Variants in PCYT2 observed in about 807,000 individuals in gnomAD.
The protein encoded by PCYT2 is ethanolamine-phosphate cytidylyltransferase.
Under a neutral mutation model 50.0 loss-of-function variants are expected in PCYT2, and 33 were observed. The ratio of observed to expected loss-of-function variants is 0.66; its 90% CI spans 0.50 to 0.88. PCYT2 has a LOEUF of 0.88. PCYT2 is among the 40% of genes least tolerant of loss of function. PCYT2 has a pLI of 0.00. For synonymous variants in PCYT2, 240 were observed against 203.7 expected, an observed-to-expected ratio of 1.18 and a Z score of -1.52; for missense variants, 430 against 519.7, an observed-to-expected ratio of 0.83 and a Z score of 1.68.
chr17:81,906,390 C>T, intron 8 of PCYT2, 74 bp downstream of exon 8: 2 of 1,468,138 alleles, frequency 1.4e-6, no homozygotes, highest in Non-Finnish European at 9.5e-7. Context: ...ACCACCTGCA[C>T]CTAACAGCAA....
chr17:81,905,295 G>C (rs199797216), intron 11 of PCYT2, 87 bp downstream of exon 11: 2 of 1,377,302 alleles, frequency 1.5e-6, no homozygotes. Flanking sequence ...CACCATGCCC[G>C]TTTCCCAGGC....
In PCYT2 at chr17:81,901,912, T is replaced by C. The variant is rs1173639218; in HGVS notation, c.*2921A>G. The C allele has an allele frequency of 5.8e-6, 1 of 173,026 alleles. No individual in the cohort carries two copies. Among genetic ancestry groups the C allele is most frequent in the African/African-American group, 2.4e-5 (1 of 42,078 alleles). 10.7% of individuals were successfully genotyped at this position (173,026 alleles called of 1,614,324 possible). Reference sequence around the variant, plus strand: ...GTGGCTGGCTCTCCAGCATCAGGAGTACTGGGGATTGCCTGGGGGACGACT... The same window carrying C: ...GTGGCTGGCTCTCCAGCATCAGGAGCACTGGGGATTGCCTGGGGGACGACT... On this transcript the variant is annotated 3_prime_UTR_variant, in exon 13 of 13. Transcript: ENST00000538936.
chr17:81,905,236 G>T, intron 11 of PCYT2, 82 bp from the exon 12 acceptor site: 3 of 1,370,740 alleles, frequency 2.2e-6, no homozygotes, highest in South Asian at 1.2e-5. Flanking sequence ...CCCAGAGGGA[G>T]ACCAGCGCCC....
At position 81,902,251 on chromosome 17, in the gene PCYT2, G is replaced by C. The variant is rs1371513319; in HGVS notation, c.*2582C>G. On this transcript the variant is annotated 3_prime_UTR_variant, in exon 13 of 13. Coordinates refer to ENST00000538936, the MANE Select transcript of PCYT2 (RefSeq NM_002861.5). ...GGTGGCTGCTCCGAGCCCGGACGCC[G>C]CCGCCCACCAGTCAGCCGGCGTCCC... The C allele has an allele frequency of 1.6e-6, 2 of 1,230,946 alleles. No individual in the cohort carries two copies. The highest frequency in any genetic ancestry group is 3.1e-5 in the African/African-American group (2 of 63,684). The allele number at this position is 1,230,946 out of a possible 1,614,324, so 76.3% of individuals were successfully genotyped here.
intron 8 of PCYT2, 117 bp from the exon 9 acceptor site, chr17:81,906,294 C>G: frequency 8.9e-7 from 1 of 1,119,390 alleles, no homozygotes; most frequent in Non-Finnish European, 1.3e-6. Context: ...TGTGGGGATG[C>G]CCCAGACAGG....
rs757532235 is a variant in PCYT2 at position 81,905,387 on chromosome 17, A to G, written c.964T>C (p.Tyr322His). 5.8e-6 allele frequency: 9 copies of G among 1,558,174 alleles called. No homozygotes were observed. Among genetic ancestry groups the G allele is most frequent in the South Asian group, 1.2e-5 (1 of 84,794 alleles). ...CAAGGGCCAGCATGACCCACCTGGTATGGGTCGGAGCCATCCCTGTCAGGG... is the reference window on the plus strand; with the variant it reads ...CAAGGGCCAGCATGACCCACCTGGTGTGGGTCGGAGCCATCCCTGTCAGGG... ...IIPDRDGSDP[Y>H]QEPKRRGIFR... Residue 322 changes from tyrosine to histidine, a missense_variant, in exon 11 of 13, where the codon TAC (tyrosine) becomes CAC (histidine). Transcript: ENST00000538936.
intron 1 of PCYT2, among the ~76,000 whole-genome samples, chr17:81,910,278 C>T (rs2040510536): frequency 6.6e-6 from 1 of 152,236 alleles, no homozygotes; most frequent in African/African-American, 2.4e-5. Context: ...GCCCTGGCTT[C>T]TTCGCCACTT....
chr17:81,911,079 G>A, intron 1 of PCYT2, 188 bp downstream of exon 1: 1 of 1,001,940 alleles, frequency 1.0e-6, no homozygotes, highest in Non-Finnish European at 1.2e-6. Flanking sequence ...GGTCGCCCAC[G>A]GCAGGGCGCG....
chr17:81,911,032 G>A lies in PCYT2; in HGVS notation c.89+235C>T, dbSNP rs181033798. On this transcript the variant is annotated intron_variant, in intron 1 of 12. Transcript: ENST00000538936. Reference sequence around the variant, plus strand: ...GCGCGGTGGCTGCACCGGAGAGGTCGGCGTGACCGGGCGGGGCCTCCGCCA... The same window carrying A: ...GCGCGGTGGCTGCACCGGAGAGGTCAGCGTGACCGGGCGGGGCCTCCGCCA... The A allele has an allele frequency of 2.4e-5, 24 of 998,514 alleles. No individual in the cohort carries two copies. The African/African-American group carries it at 3.3e-4, about 14-fold the overall frequency. The allele number at this position is 998,514 out of a possible 1,614,324, so 61.9% of individuals were successfully genotyped here. A position where few individuals can be genotyped will look rare whatever the true frequency, so the allele number is the denominator to read the frequency against.
chr17:81,910,179 C>G (rs1053689066), intron 1 of PCYT2, among the ~76,000 whole-genome samples: 1 of 152,214 alleles, frequency 6.6e-6, no homozygotes, highest in Non-Finnish European at 1.5e-5. Context: ...CCACCTGGCT[C>G]GAGAGTTTTC....
intron 5 of PCYT2, 56 bp from the exon 6 acceptor site, chr17:81,907,654 C>G (rs1009650337): frequency 2.4e-5 from 38 of 1,603,504 alleles, no homozygotes; most frequent in Non-Finnish European, 9.4e-6. Context: ...GTGGCCACCC[C>G]AGAACCGGCT....
intron 6 of PCYT2, chr17:81,907,317 C>T: frequency 3.5e-6 from 5 of 1,441,454 alleles, no homozygotes; most frequent in Non-Finnish European, 4.7e-6. Flanking sequence ...CAGGCAAATC[C>T]TTGCTCCTCC....
intron 7 of PCYT2, 38 bp from the exon 8 acceptor site, chr17:81,906,584 C>T (rs1373696528): frequency 6.3e-7 from 1 of 1,598,322 alleles, no homozygotes; most frequent in African/African-American, 1.3e-5. Context: ...ATGGGGATGA[C>T]AGGGAGCAGC....
In PCYT2 at chr17:81,903,970, CAG is replaced by C. The variant is rs778886911; in HGVS notation, c.*861_*862del. The stretch of plus-strand genomic sequence containing the variant: ...CTGGGCTGCTCCAGGCGGGCCGTGA[CAG>C]GGGTGTGGGAGACAGAGATCCCATG... On this transcript the variant is annotated 3_prime_UTR_variant, in exon 13 of 13. Coordinates refer to ENST00000538936, the MANE Select transcript of PCYT2 (RefSeq NM_002861.5). 3.9e-5 allele frequency: 6 copies of C among 152,270 alleles called. No homozygotes were observed. Among genetic ancestry groups the C allele is most frequent in the South Asian group, 2.1e-4 (1 of 4,836 alleles). 9.4% of individuals were successfully genotyped at this position (152,270 alleles called of 1,614,324 possible). A position where few individuals can be genotyped will look rare whatever the true frequency, so the allele number is the denominator to read the frequency against.
Position 81,902,142 on chromosome 17 carries a change from C to G in PCYT2, c.*2691G>C, listed in dbSNP as rs2039975196. 1 of 830,742 alleles carries G rather than the reference C, an allele frequency of 1.2e-6. No homozygotes were observed. The highest frequency in any genetic ancestry group is 5.9e-5 in the South Asian group (1 of 17,010). The allele number at this position is 830,742 out of a possible 1,614,324, so 51.5% of individuals were successfully genotyped here. On this transcript the variant is annotated 3_prime_UTR_variant, in exon 13 of 13. Transcript: ENST00000538936. ...GTGCGACGGCTCCTCCGCGCGCGCC[C>G]GCTGCACCCCAGCCCGCCCGCCGCC...
intron 10 of PCYT2, 106 bp from the exon 11 acceptor site, chr17:81,905,553 C>T: frequency 7.0e-7 from 1 of 1,436,498 alleles, no homozygotes; most frequent in Non-Finnish European, 9.7e-7. Context: ...CCTGCCCTTT[C>T]CTCAGCCCAG....
chr17:81,907,388 A>G, intron 6 of PCYT2, 166 bp downstream of exon 6: 1 of 1,173,968 alleles, frequency 8.5e-7, no homozygotes, highest in Non-Finnish European at 1.2e-6. Flanking sequence ...CCCTCCCAGC[A>G]TCCACCAGTG....
rs956761238 is a variant in PCYT2, at chr17:81,905,131, G to T, written c.993C>A (p.Phe331Leu). 6.2e-7 allele frequency: 1 copy of T among 1,613,294 alleles called. No homozygotes were observed. The highest frequency in any genetic ancestry group is 1.3e-5 in the African/African-American group (1 of 75,060). The part of the protein sequence containing the change: ...PYQEPKRRGI[F>L]RQIDSGSNLT... ...GGTTGCTGCCACTGTCAATCTGACG[G>T]AAGATGCCCCTTCTCTTGGGCTCCT... The change falls in exon 12 of 13, where the codon TTC becomes TTA. Residue 331 changes from phenylalanine (F) to leucine (L), a missense_variant. Phe to Leu is a conservative substitution (Grantham distance 22). Coordinates refer to ENST00000538936, the MANE Select transcript of PCYT2 (RefSeq NM_002861.5).
Position 81,902,373 on chromosome 17 carries a change from C to G in PCYT2, c.*2460G>C. ...CGTGGTACAAGCCAGCGGCGGGGCA[C>G]AGCTCCTACTCGGTGGGCCGCGCCG... On this transcript the variant is annotated 3_prime_UTR_variant, in exon 13 of 13. Coordinates refer to ENST00000538936, the MANE Select transcript of PCYT2 (RefSeq NM_002861.5). 7.4e-7 allele frequency: 1 copy of G among 1,342,416 alleles called. No individual in the cohort carries two copies. Among genetic ancestry groups the G allele is most frequent in the Non-Finnish European group, 9.5e-7 (1 of 1,054,792 alleles). 83.2% of individuals were successfully genotyped at this position (1,342,416 alleles called of 1,614,324 possible). A position where few individuals can be genotyped will look rare whatever the true frequency, so the allele number is the denominator to read the frequency against.
Sources: gnomAD v4.1 joint callset for allele counts (sites outside exome capture counted in the v4.1 genomes callset) on GRCh38, gnomAD v4.1.1 for gene constraint, MANE v1.5 for transcripts, NCBI Gene and HGNC (gene_info 2026-07-23, HGNC 2026-07-21) for gene names.